Variants in DCAF16 observed in about 807,000 individuals in gnomAD.
DCAF16 encodes DDB1- and CUL4-associated factor 16.
In DCAF16, 10 loss-of-function variants were observed where a neutral mutation model predicts 17.3. That is an observed-to-expected ratio of 0.58 (90% CI 0.36 to 0.98). The LOEUF is 0.98. Among genes scored for constraint, DCAF16 ranks in the 50% least tolerant of loss-of-function variants. The pLI is 0.01. For synonymous variants in DCAF16, 111 were observed against 92.8 expected, an observed-to-expected ratio of 1.20 and a Z score of -1.12; for missense variants, 249 against 247.6, an observed-to-expected ratio of 1.01 and a Z score of -0.04.
At chr4:17,808,953 C>G (rs1321296086) in intron 1 of DCAF16, among the ~76,000 whole-genome samples, 1 of 152,070 alleles carries the variant, frequency 6.6e-6, no homozygotes, top group Non-Finnish European at 1.5e-5. Flanking sequence ...CGCTTCAACC[C>G]GGGAGGCAGA....
In DCAF16 at chr4:17,803,312, A is replaced by G. The variant is rs1223396064; in HGVS notation, c.*179T>C. On this transcript the variant is annotated 3_prime_UTR_variant, in exon 3 of 3. Coordinates refer to ENST00000382247, the MANE Select transcript of DCAF16 (RefSeq NM_017741.4). ...AGTGCTGGGATTACAGGTGTGAGCC[A>G]CCATGCCTGACCTTGATATTATCAT... is the stretch of plus-strand genomic sequence containing the variant. 1.3e-5 allele frequency: 8 copies of G among 631,846 alleles called. No individual in the cohort carries two copies. The highest frequency in any genetic ancestry group is 2.2e-5 in the Non-Finnish European group (8 of 366,556). The allele number at this position is 631,846 out of a possible 1,614,324, so 39.1% of individuals were successfully genotyped here.
In DCAF16 at chr4:17,803,298, T is replaced by G. The variant is rs1273103121; in HGVS notation, c.*193A>C. 2 of 594,552 alleles carry G rather than the reference T, an allele frequency of 3.4e-6. No homozygotes were observed. The highest frequency in any genetic ancestry group is 5.9e-6 in the Non-Finnish European group (2 of 338,884). 36.8% of individuals were successfully genotyped at this position (594,552 alleles called of 1,614,324 possible). On this transcript the variant is annotated 3_prime_UTR_variant, in exon 3 of 3. Coordinates refer to ENST00000382247, the MANE Select transcript of DCAF16 (RefSeq NM_017741.4). ...CCTCAGCCTCCCAAAGTGCTGGGATTACAGGTGTGAGCCACCATGCCTGAC... is the reference window on the plus strand; with the variant it reads ...CCTCAGCCTCCCAAAGTGCTGGGATGACAGGTGTGAGCCACCATGCCTGAC...
chr4:17,796,852 C>T (rs1308102238), downstream of DCAF16, among the ~76,000 whole-genome samples: 1 of 152,118 alleles, frequency 6.6e-6, no homozygotes, highest in East Asian at 1.9e-4. Context: ...TGCAATTGGG[C>T]CTCCTCTTCT....
downstream of DCAF16, among the ~76,000 whole-genome samples, chr4:17,799,570 T>G (rs560464612): frequency 2.0e-5 from 3 of 152,234 alleles, no homozygotes; most frequent in Non-Finnish European, 4.4e-5. Context: ...GAAAGCCAGA[T>G]GCAAGCCAAC....
chr4:17,795,756 A>C (rs963069956), downstream of DCAF16, among the ~76,000 whole-genome samples: 2 of 152,138 alleles, frequency 1.3e-5, no homozygotes, highest in Non-Finnish European at 2.9e-5. Flanking sequence ...TTTCATGTTG[A>C]AGGTTTCCTC....
chr4:17,806,196 C>T (rs902366249), intron 1 of DCAF16, among the ~76,000 whole-genome samples: 1 of 152,178 alleles, frequency 6.6e-6, no homozygotes, highest in African/African-American at 2.4e-5. Flanking sequence ...TGAAATTAAC[C>T]TATGAATATT....
In DCAF16 at chr4:17,803,186, G is replaced by A. The variant is rs980692333; in HGVS notation, c.*305C>T. 4 of 313,886 alleles carry A rather than the reference G, an allele frequency of 1.3e-5. No individual in the cohort carries two copies. The highest frequency in any genetic ancestry group is 4.3e-5 in the African/African-American group (2 of 46,452). The allele number at this position is 313,886 out of a possible 1,614,324, so 19.4% of individuals were successfully genotyped here. The stretch of plus-strand genomic sequence containing the variant: ...ATTACAGGCGTGCACTGCTGCGCCC[G>A]GCTAATTTTTTTATTTTTAGTAGAG... On this transcript the variant is annotated 3_prime_UTR_variant, in exon 3 of 3. Transcript: ENST00000382247.
chr4:17,807,182 A>G (rs1164385944), intron 1 of DCAF16, among the ~76,000 whole-genome samples: 3 of 152,204 alleles, frequency 2.0e-5, no homozygotes, highest in Non-Finnish European at 4.4e-5. Flanking sequence ...GAGGCCAGGG[A>G]AAGACTTCTT....
chr4:17,797,190 C>A (rs1719469252), downstream of DCAF16, among the ~76,000 whole-genome samples: 1 of 152,166 alleles, frequency 6.6e-6, no homozygotes, highest in African/African-American at 2.4e-5. Context: ...AAGACAGTTC[C>A]TGGGAACAAC....
chr4:17,795,459 ACCT>A, the DCAF16 span, among the ~76,000 whole-genome samples: 3 of 148,478 alleles, frequency 2.0e-5, no homozygotes, highest in Middle Eastern at 3.4e-3. Context: ...TTCTCTCTTC[ACCT>A]TCTTTCTCTG....
At position 17,801,397 on chromosome 4, in the gene DCAF16, T is replaced by C. The variant is rs1414222193; in HGVS notation, c.*2094A>G. 1 of 152,172 alleles carries C rather than the reference T, an allele frequency of 6.6e-6. No individual in the cohort carries two copies. The highest frequency in any genetic ancestry group is 1.5e-5 in the Non-Finnish European group (1 of 68,050). 9.4% of individuals were successfully genotyped at this position (152,172 alleles called of 1,614,324 possible). ...ACCTGCCCTCAGCCTCCCAAACTGTTGGGATTACAGGCATGAGCCACCATG... is the reference window on the plus strand; with the variant it reads ...ACCTGCCCTCAGCCTCCCAAACTGTCGGGATTACAGGCATGAGCCACCATG... On this transcript the variant is annotated 3_prime_UTR_variant, in exon 3 of 3. Transcript: ENST00000382247.
At chr4:17,796,843 G>A (rs183562644), downstream of DCAF16, among the ~76,000 whole-genome samples, 602 of 151,696 alleles carry the variant, frequency 4.0e-3, 12 homozygotes, top group East Asian at 0.063. Flanking sequence ...TCTCATATCT[G>A]CAATTGGGCC....
intron 1 of DCAF16, among the ~76,000 whole-genome samples, chr4:17,807,957 A>G (rs981873574): frequency 3.9e-5 from 6 of 152,224 alleles, no homozygotes; most frequent in African/African-American, 1.2e-4. Flanking sequence ...TGTCTGGCAT[A>G]TATGAGTGGC....
Position 17,803,626 on chromosome 4 carries a change from T to G in DCAF16, c.516A>C (p.Ser172=). The change falls in exon 3 of 3, where the codon TCA becomes TCC. Residue 172 remains serine (S), a synonymous_variant. Transcript: ENST00000382247. ...AGCCACAGCAACACCCAGAAACACA[T>G]GAATTAGGGATCTGTTTTAGGTATT... ...IPEYLKQIPN[S]CVSGCCCGWL... is the part of the protein sequence containing the mutation. 6.2e-7 allele frequency: 1 copy of G among 1,614,182 alleles called. No individual in the cohort carries two copies. The highest frequency in any genetic ancestry group is 1.1e-5 in the South Asian group (1 of 91,086).
chr4:17,796,987 G>A (rs1719458673), downstream of DCAF16, among the ~76,000 whole-genome samples: 2 of 152,018 alleles, frequency 1.3e-5, no homozygotes, highest in African/African-American at 4.8e-5. Flanking sequence ...TTTAGAGATG[G>A]GCGGTTGCTC....
At chr4:17,807,119 GA>G (rs1297786022) in intron 1 of DCAF16, among the ~76,000 whole-genome samples, 1 of 152,146 alleles carries the variant, frequency 6.6e-6, no homozygotes, top group Non-Finnish European at 1.5e-5. Flanking sequence ...CCTAAATGGG[GA>G]TGGTAAAACT....
chr4:17,794,231 T>G, the DCAF16 span, among the ~76,000 whole-genome samples: 1 of 152,192 alleles, frequency 6.6e-6, no homozygotes, highest in Non-Finnish European at 1.5e-5. Context: ...TTTTCAGATT[T>G]TGGAATATTT....
chr4:17,794,653 T>C, the DCAF16 span, among the ~76,000 whole-genome samples: 1 of 152,222 alleles, frequency 6.6e-6, no homozygotes, highest in Non-Finnish European at 1.5e-5. Context: ...CTTTTTATTT[T>C]CTAAAAATAT....
the DCAF16 span, among the ~76,000 whole-genome samples, chr4:17,795,296 A>C: frequency 1.3e-5 from 2 of 152,190 alleles, no homozygotes; most frequent in Non-Finnish European, 2.9e-5. Flanking sequence ...ATTTATTGGG[A>C]AGCTTTTAGG....
Sources: allele counts gnomAD v4.1 joint callset (sites outside exome capture counted in the v4.1 genomes callset), GRCh38; gene constraint gnomAD v4.1.1; transcripts MANE v1.5; gene names NCBI Gene and HGNC (gene_info 2026-07-23, HGNC 2026-07-21).